The following CYYR1 variants were observed in gnomAD, a reference collection of about 807,000 sequenced individuals.
CYYR1 encodes the protein cysteine and tyrosine-rich protein 1.
A neutral mutation model predicts 15.2 loss-of-function variants in CYYR1; 14 were observed. That is an observed-to-expected ratio of 0.92 (90% CI 0.61 to 1.44). The LOEUF is 1.44. CYYR1 is among the 40% of genes most tolerant of loss of function. The pLI is 0.00. For synonymous variants in CYYR1, 80 were observed against 77.4 expected, an observed-to-expected ratio of 1.03 and a Z score of -0.18; for missense variants, 228 against 209.5, an observed-to-expected ratio of 1.09 and a Z score of -0.54.
In CYYR1 at chr21:26,566,469, T is replaced by C. The variant is rs912396156; in HGVS notation, c.74-101A>G. Reference sequence around the variant, plus strand: ...ACTTAATCAGCCAATGACCACCCTTTAGTGGTTTTAAATCTTCATTTTCGT... The same window carrying C: ...ACTTAATCAGCCAATGACCACCCTTCAGTGGTTTTAAATCTTCATTTTCGT... On this transcript the variant is annotated intron_variant, in intron 1 of 3. Transcript: ENST00000652641. 1.3e-5 allele frequency: 11 copies of C among 849,966 alleles called. No individual in the cohort carries two copies. The African/African-American group carries it at 1.4e-4, about 10-fold the overall frequency. The allele number at this position is 849,966 out of a possible 1,614,324, so 52.7% of individuals were successfully genotyped here. A position where few individuals can be genotyped will look rare whatever the true frequency, so the allele number is the denominator to read the frequency against.
intron 2 of CYYR1, among the ~76,000 whole-genome samples, chr21:26,482,964 A>G (rs1285917850): frequency 6.6e-6 from 1 of 151,824 alleles, no homozygotes; most frequent in Non-Finnish European, 1.5e-5. Flanking sequence ...AGTTGTTGAA[A>G]CTTCTCCATA....
intron 2 of CYYR1, among the ~76,000 whole-genome samples, chr21:26,539,588 A>G (rs1438260181): frequency 6.6e-6 from 1 of 152,192 alleles, no homozygotes; most frequent in African/African-American, 2.4e-5. Context: ...TTAAAGCAGC[A>G]ATTGTCTCCA....
At chr21:26,558,300 C>T (rs1278275667) in intron 2 of CYYR1, among the ~76,000 whole-genome samples, 1 of 152,086 alleles carries the variant, frequency 6.6e-6, no homozygotes, top group Admixed American at 6.5e-5. Flanking sequence ...CACCCATATG[C>T]CACTACCTGG....
At chr21:26,490,978 C>T (rs2065319234) in intron 2 of CYYR1, among the ~76,000 whole-genome samples, 1 of 152,178 alleles carries the variant, frequency 6.6e-6, no homozygotes, top group South Asian at 2.1e-4. Flanking sequence ...GACCTGATGA[C>T]TGATCCAACG....
intron 2 of CYYR1, among the ~76,000 whole-genome samples, chr21:26,491,466 C>A (rs983696454): frequency 6.6e-6 from 1 of 152,068 alleles, no homozygotes; most frequent in East Asian, 1.9e-4. Flanking sequence ...AGATTGAATG[C>A]GATATGAAAA....
intron 2 of CYYR1, among the ~76,000 whole-genome samples, chr21:26,504,224 G>GTATTTATTTATTTATTTATTTATTTATT (rs59992346): frequency 1.3e-5 from 2 of 150,444 alleles, no homozygotes; most frequent in African/African-American, 4.9e-5. Context: ...TCTTTGTGAT[G>GTATTTATTTATTTATTTATTTATTTATT]TATTTATTTA....
intron 3 of CYYR1, chr21:26,471,166 T>G (rs2065028729): frequency 1.3e-5 from 2 of 152,180 alleles, no homozygotes; most frequent in African/African-American, 4.8e-5. Flanking sequence ...AAGAGATTTA[T>G]AACAAACTTC....
Position 26,467,176 on chromosome 21 carries a change from A to G in CYYR1, c.*1325T>C, listed in dbSNP as rs767654169. ...TGTAAAATGACACAAAAATCTAATC[A>G]TCTATTTCCAATGTTCAATATACAA... On this transcript the variant is annotated 3_prime_UTR_variant, in exon 4 of 4. Transcript: ENST00000652641. The G allele has an allele frequency of 8.5e-5, 13 of 152,304 alleles. No individual in the cohort carries two copies. Among genetic ancestry groups the G allele is most frequent in the Non-Finnish European group, 1.2e-4 (8 of 68,012 alleles). The allele number at this position is 152,304 out of a possible 1,614,324, so 9.4% of individuals were successfully genotyped here. A position where few individuals can be genotyped will look rare whatever the true frequency, so the allele number is the denominator to read the frequency against.
Position 26,573,018 on chromosome 21 carries a change from A to T in CYYR1, c.-78T>A. The T allele has an allele frequency of 1.2e-6, 2 of 1,608,210 alleles. No homozygotes were observed. Among genetic ancestry groups the T allele is most frequent in the Non-Finnish European group, 1.7e-6 (2 of 1,177,192 alleles). On this transcript the variant is annotated 5_prime_UTR_variant, in exon 1 of 4. Transcript: ENST00000652641. ...AATGGGGAGGATGGAGGGCGATCAGATGGAGAGAGCAGCGCTCCTGAGAGC... is the reference window on the plus strand; with the variant it reads ...AATGGGGAGGATGGAGGGCGATCAGTTGGAGAGAGCAGCGCTCCTGAGAGC...
intron 3 of CYYR1, among the ~76,000 whole-genome samples, chr21:26,479,841 C>T (rs1435272865): frequency 1.3e-5 from 2 of 152,036 alleles, no homozygotes; most frequent in Non-Finnish European, 2.9e-5. Flanking sequence ...GTGTTTAAAG[C>T]TGTTCTCTCG....
At position 26,466,394 on chromosome 21, in the gene CYYR1, T is replaced by C. The variant is rs1054432764; in HGVS notation, c.*2107A>G. ...ACAGTCTATACTGGTAATGTGCACA[T>C]TGATGCTATTATGACACTTAATACA... On this transcript the variant is annotated 3_prime_UTR_variant, in exon 4 of 4. Coordinates refer to ENST00000652641, the MANE Select transcript of CYYR1 (RefSeq NM_001320768.2). 1.3e-5 allele frequency: 2 copies of C among 152,196 alleles called. No individual in the cohort carries two copies. Among genetic ancestry groups the C allele is most frequent in the African/African-American group, 4.8e-5 (2 of 41,438 alleles). 9.4% of individuals were successfully genotyped at this position (152,196 alleles called of 1,614,324 possible).
chr21:26,515,208 C>G (rs1371829686), intron 2 of CYYR1, among the ~76,000 whole-genome samples: 2 of 152,214 alleles, frequency 1.3e-5, no homozygotes, highest in Admixed American at 6.5e-5. Context: ...CTTCCACAAA[C>G]TAGTCCAAAC....
chr21:26,556,743 T>G (rs1979816382), intron 2 of CYYR1, among the ~76,000 whole-genome samples: 1 of 152,128 alleles, frequency 6.6e-6, no homozygotes, highest in Admixed American at 6.6e-5. Flanking sequence ...TCCACGCCCA[T>G]GATCCATTCA....
At chr21:26,485,007 A>G (rs1259662486) in intron 2 of CYYR1, among the ~76,000 whole-genome samples, 1 of 152,132 alleles carries the variant, frequency 6.6e-6, no homozygotes, top group Non-Finnish European at 1.5e-5. Flanking sequence ...GTAATTAATA[A>G]AAAGAAACAA....
chr21:26,556,962 A>T (rs1252206406), intron 2 of CYYR1, among the ~76,000 whole-genome samples: 3 of 152,132 alleles, frequency 2.0e-5, no homozygotes, highest in Admixed American at 1.3e-4. Flanking sequence ...AATCATTTTC[A>T]CTCATGGCAT....
chr21:26,503,886 T>C (rs58979103), intron 2 of CYYR1, among the ~76,000 whole-genome samples: 1,534 of 152,310 alleles, frequency 0.01, 28 homozygotes, highest in African/African-American at 0.035. Context: ...TGGAAGACGC[T>C]GTCGAGTCCT....
At chr21:26,527,241 A>T (rs1243838133) in intron 2 of CYYR1, among the ~76,000 whole-genome samples, 1 of 152,220 alleles carries the variant, frequency 6.6e-6, no homozygotes, top group East Asian at 1.9e-4. Flanking sequence ...CCAGGCCAAC[A>T]TATTACCAAA....
At chr21:26,542,308 T>C (rs1489018735) in intron 2 of CYYR1, among the ~76,000 whole-genome samples, 3 of 151,444 alleles carry the variant, frequency 2.0e-5, no homozygotes, top group Non-Finnish European at 2.9e-5. Context: ...TGTGTGTGTG[T>C]GTGTGTGTGT....
chr21:26,561,277 AT>A (rs1022193808), intron 2 of CYYR1, among the ~76,000 whole-genome samples: 13 of 151,842 alleles, frequency 8.6e-5, no homozygotes, highest in African/African-American at 3.1e-4. Context: ...TTCATATCTA[AT>A]TACTAAGATT....
Sources: gnomAD v4.1 joint callset for allele counts (sites outside exome capture counted in the v4.1 genomes callset) on GRCh38, gnomAD v4.1.1 for gene constraint, MANE v1.5 for transcripts, NCBI Gene and HGNC (gene_info 2026-07-23, HGNC 2026-07-21) for gene names.